Variants in PCSK5 observed in about 807,000 individuals in gnomAD.
The protein encoded by PCSK5 is prohormone convertase 5.
Under a neutral mutation model 233.2 loss-of-function variants are expected in PCSK5, and 129 were observed. That is an observed-to-expected ratio of 0.55 (90% CI 0.48 to 0.64). PCSK5 has a LOEUF of 0.64. Among genes scored for constraint, PCSK5 ranks in the 30% least tolerant of loss-of-function variants. PCSK5 has a pLI of 0.00. For synonymous variants in PCSK5, 825 were observed against 879.2 expected (o/e 0.94, Z 1.09); for missense variants, 2,076 against 2,430.1 (o/e 0.85, Z 3.06).
At chr9:76,128,923 C>G (rs1587664349) in intron 9 of PCSK5, among the ~76,000 whole-genome samples, 1 of 152,166 alleles carries the variant, frequency 6.6e-6, no homozygotes, top group East Asian at 1.9e-4. Context: ...CAAAACAAAG[C>G]AAAACAAATG....
At chr9:76,112,196 C>T (rs1406670526) in intron 9 of PCSK5, among the ~76,000 whole-genome samples, 1 of 152,138 alleles carries the variant, frequency 6.6e-6, no homozygotes, top group African/African-American at 2.4e-5. Context: ...AGAAATGTTA[C>T]ACTATACAGT....
At chr9:76,065,765 C>T (rs188042274) in intron 5 of PCSK5, among the ~76,000 whole-genome samples, 148 of 152,090 alleles carry the variant, frequency 9.7e-4, no homozygotes, top group Admixed American at 4.0e-3. Context: ...AATATTTTTC[C>T]TTCTAGTAGT....
chr9:76,317,198 T>TA lies in PCSK5; in HGVS notation c.3885-4217dup, dbSNP rs529808795. On this transcript the variant is annotated intron_variant, in intron 30 of 37. Transcript: ENST00000674117. ...CAACATGGTAAAGCCCCATCTTTAC[T>TA]AAAAAAATACAAAAATTAGCCAGGC... is the stretch of plus-strand genomic sequence containing the variant. 7.4e-4 allele frequency among the ~76,000 whole-genome samples: 112 copies of TA among 152,030 alleles called. 3 individuals are homozygous for TA. In the South Asian group the frequency reaches 0.023, roughly 31 times the overall value.
intron 14 of PCSK5, chr9:76,175,596 A>G (rs560945094): frequency 1.0e-4 from 18 of 175,418 alleles, no homozygotes; most frequent in Admixed American, 7.5e-4. Context: ...TTTCTTTAGA[A>G]TAGAGTTCTG....
intron 35 of PCSK5, among the ~76,000 whole-genome samples, chr9:76,349,135 G>A (rs532673468): frequency 7.3e-5 from 11 of 151,364 alleles, no homozygotes; most frequent in Non-Finnish European, 1.3e-4. Flanking sequence ...TTAGCTGGGC[G>A]TGGTGGCGGG....
chr9:76,056,367 G>A (rs1439874783), intron 5 of PCSK5, among the ~76,000 whole-genome samples: 4 of 152,122 alleles, frequency 2.6e-5, no homozygotes, highest in Admixed American at 2.6e-4. Context: ...CACATTAACA[G>A]ATACGGAAGA....
rs1831371251 is a variant in PCSK5, at chr9:76,093,208, C to T, written c.895-2682C>T. 4.0e-5 allele frequency among the ~76,000 whole-genome samples: 6 copies of T among 151,728 alleles called. No individual in the cohort carries two copies. In the South Asian group the frequency reaches 1.2e-3, roughly 32 times the overall value. ...CTCCTGGCTCCAAGCAATCCTTCCA[C>T]CTCAGCCCCTAAAATAGCTGAGACT... On this transcript the variant is annotated intron_variant, in intron 7 of 37. Coordinates refer to ENST00000674117, the MANE Select transcript of PCSK5 (RefSeq NM_001372043.1).
At chr9:76,130,034 A>G (rs1822694911) in intron 9 of PCSK5, among the ~76,000 whole-genome samples, 1 of 152,152 alleles carries the variant, frequency 6.6e-6, no homozygotes, top group South Asian at 2.1e-4. Context: ...AGGGGAGATG[A>G]CAAGTTCATA....
At position 76,074,363 on chromosome 9, in the gene PCSK5, A is replaced by T. The variant is rs370469333; in HGVS notation, c.894+2465A>T. 2.6e-5 allele frequency among the ~76,000 whole-genome samples: 4 copies of T among 152,228 alleles called. No individual in the cohort carries two copies. In the South Asian group the frequency reaches 8.3e-4, roughly 32 times the overall value. On this transcript the variant is annotated intron_variant, in intron 7 of 37. Transcript: ENST00000674117. Reference sequence around the variant, plus strand: ...TCCAAGGTTTTACTTAGGGAAAAAAAGGAATTCAGTTTTAAATCAAACCAT... The same window carrying T: ...TCCAAGGTTTTACTTAGGGAAAAAATGGAATTCAGTTTTAAATCAAACCAT...
At chr9:76,183,542 A>T (rs1287927828) in intron 16 of PCSK5, among the ~76,000 whole-genome samples, 1 of 152,212 alleles carries the variant, frequency 6.6e-6, no homozygotes, top group African/African-American at 2.4e-5. Context: ...AAGAACAGAG[A>T]CCCTGAATTT....
intron 20 of PCSK5, among the ~76,000 whole-genome samples, chr9:76,192,239 T>C (rs1824427618): frequency 6.6e-6 from 1 of 151,870 alleles, no homozygotes; most frequent in South Asian, 2.1e-4. Context: ...GGCACTTTGC[T>C]AAAAGCGGAG....
intron 5 of PCSK5, among the ~76,000 whole-genome samples, chr9:76,056,941 A>G (rs371620729): frequency 1.2e-4 from 18 of 152,196 alleles, no homozygotes; most frequent in African/African-American, 4.1e-4. Context: ...GCATCTTAGT[A>G]ATATTGTGGG....
intron 12 of PCSK5, among the ~76,000 whole-genome samples, chr9:76,165,824 A>G (rs1823064451): frequency 6.6e-6 from 1 of 152,240 alleles, no homozygotes; most frequent in South Asian, 2.1e-4. Flanking sequence ...CACTGTTGGC[A>G]CAGCGTGGAT....
At chr9:75,931,107 A>G (rs1823771504) in intron 1 of PCSK5, among the ~76,000 whole-genome samples, 1 of 152,206 alleles carries the variant, frequency 6.6e-6, no homozygotes, top group Admixed American at 6.5e-5. Flanking sequence ...ATGATGAGAC[A>G]TTCAATTACT....
chr9:76,132,239 A>C (rs1004072490), intron 9 of PCSK5, among the ~76,000 whole-genome samples: 5 of 152,106 alleles, frequency 3.3e-5, no homozygotes. Flanking sequence ...GGCTCAAATC[A>C]TGCTATTTGT....
At chr9:76,216,847 TTTTG>T (rs567231586) in intron 20 of PCSK5, among the ~76,000 whole-genome samples, 10 of 152,232 alleles carry the variant, frequency 6.6e-5, no homozygotes, top group South Asian at 2.1e-4. Context: ...GCATTTCTTT[TTTTG>T]TTTGTTTTTG....
chr9:76,237,423 A>G (rs1195716336), intron 22 of PCSK5, among the ~76,000 whole-genome samples: 1 of 152,160 alleles, frequency 6.6e-6, no homozygotes, highest in East Asian at 1.9e-4. Flanking sequence ...GAAAATCACA[A>G]TTAGCAAAAT....
At position 76,295,264 on chromosome 9, in the gene PCSK5, T is replaced by C; in HGVS notation, c.3186-11T>C. The C allele has an allele frequency of 6.2e-7, 1 of 1,605,030 alleles. No homozygotes were observed. The highest frequency in any genetic ancestry group is 8.5e-7 in the Non-Finnish European group (1 of 1,175,878). On this transcript the variant is annotated splice_polypyrimidine_tract_variant and intron_variant, in intron 25 of 37. Transcript: ENST00000674117. ...ATAAGTCATGAAAGAAATGATGTCT[T>C]CTTCCTCTAGGTTTGATCACCATTG...
At chr9:76,327,377 G>A (rs1829395792) in intron 32 of PCSK5, among the ~76,000 whole-genome samples, 1 of 152,080 alleles carries the variant, frequency 6.6e-6, no homozygotes, top group African/African-American at 2.4e-5. Context: ...AAAGTGCTAG[G>A]ATTACAGGCG....
Sources: gnomAD v4.1 joint callset for allele counts (sites outside exome capture counted in the v4.1 genomes callset) on GRCh38, gnomAD v4.1.1 for gene constraint, MANE v1.5 for transcripts, NCBI Gene and HGNC (gene_info 2026-07-23, HGNC 2026-07-21) for gene names.